The following PRR16 variants were observed in gnomAD, a reference collection of about 807,000 sequenced individuals.
PRR16 encodes proline rich 16, also known as protein Largen.
A neutral mutation model predicts 18.2 loss-of-function variants in PRR16; 6 were observed. The ratio of observed to expected loss-of-function variants is 0.33; its 90% CI spans 0.18 to 0.65. PRR16 has a LOEUF of 0.65. PRR16 is among the 30% of genes least tolerant of loss of function. PRR16 has a pLI of 0.74. For synonymous variants in PRR16, 151 were observed against 147.8 expected (o/e 1.02, Z -0.16); for missense variants, 412 against 376.6 (o/e 1.09, Z -0.78).
At chr5:120,745,956 C>G in the PRR16 span, among the ~76,000 whole-genome samples, 1 of 151,400 alleles carries the variant, frequency 6.6e-6, no homozygotes, top group South Asian at 2.1e-4. Flanking sequence ...AAGTGATTCA[C>G]CCATCTTTGC....
At chr5:120,660,494 A>G (rs1175850256) in intron 1 of PRR16, among the ~76,000 whole-genome samples, 1 of 152,126 alleles carries the variant, frequency 6.6e-6, no homozygotes, top group Non-Finnish European at 1.5e-5. Flanking sequence ...AACATTTTAA[A>G]TTATGAACAC....
intron 1 of PRR16, among the ~76,000 whole-genome samples, chr5:120,674,331 T>A (rs754601384): frequency 2.0e-5 from 3 of 152,344 alleles, no homozygotes; most frequent in Non-Finnish European, 4.4e-5. Flanking sequence ...TCGGATTCCA[T>A]TTTTATTGTG....
At chr5:120,552,193 A>G (rs1752275463) in intron 1 of PRR16, among the ~76,000 whole-genome samples, 1 of 151,908 alleles carries the variant, frequency 6.6e-6, no homozygotes, top group South Asian at 2.1e-4. Flanking sequence ...TATATTTTTC[A>G]AAACCTCCCA....
rs541742242 is a variant in PRR16, at chr5:120,568,207, A to T, written c.159+103562A>T. On this transcript the variant is annotated intron_variant, in intron 1 of 1. Coordinates refer to ENST00000407149, the MANE Select transcript of PRR16 (RefSeq NM_001300783.2). ...GTGAGCAGTAATACCAGTGATTGCA[A>T]AGGCAGATACATGACCCTAGTAAGC... 2.6e-4 allele frequency among the ~76,000 whole-genome samples: 40 copies of T among 152,294 alleles called. No homozygotes were observed. In the South Asian group the frequency reaches 5.4e-3, roughly 21 times the overall value.
chr5:120,536,172 G>C (rs1751710175), intron 1 of PRR16, among the ~76,000 whole-genome samples: 1 of 152,198 alleles, frequency 6.6e-6, no homozygotes, highest in African/African-American at 2.4e-5. Flanking sequence ...ATGACATTGT[G>C]TGTGTAACCT....
intron 1 of PRR16, among the ~76,000 whole-genome samples, chr5:120,663,988 A>AGTTAATGTG: frequency 6.6e-6 from 1 of 152,122 alleles, no homozygotes; most frequent in Non-Finnish European, 1.5e-5. Flanking sequence ...TGATTAAAAC[A>AGTTAATGTG]GTTAATGTGT....
chr5:120,734,552 A>T, the PRR16 span, among the ~76,000 whole-genome samples: 1 of 151,978 alleles, frequency 6.6e-6, no homozygotes, highest in Non-Finnish European at 1.5e-5. Flanking sequence ...CTGGGATTTT[A>T]TTTTTTTGAA....
At chr5:120,658,633 A>G (rs1476710171) in intron 1 of PRR16, among the ~76,000 whole-genome samples, 1 of 152,056 alleles carries the variant, frequency 6.6e-6, no homozygotes, top group Middle Eastern at 3.4e-3. Context: ...AAAGACAAAA[A>G]TAAGATACTA....
the PRR16 span, among the ~76,000 whole-genome samples, chr5:120,750,003 G>A: frequency 8.5e-5 from 13 of 152,090 alleles, no homozygotes; most frequent in Non-Finnish European, 1.5e-4. Flanking sequence ...GAATATGTTT[G>A]AAGCCAGAAA....
chr5:120,509,771 T>C (rs1322003104), intron 1 of PRR16, among the ~76,000 whole-genome samples: 1 of 152,138 alleles, frequency 6.6e-6, no homozygotes, highest in Non-Finnish European at 1.5e-5. Context: ...ATCAAGGCAA[T>C]TCATTTTTTT....
the PRR16 span, among the ~76,000 whole-genome samples, chr5:120,705,414 G>GTGCT: frequency 6.6e-6 from 1 of 151,748 alleles, no homozygotes; most frequent in African/African-American, 2.4e-5. Flanking sequence ...TTTTCCACAT[G>GTGCT]TGCTTTTAAA....
chr5:120,754,215 T>TTA, the PRR16 span, among the ~76,000 whole-genome samples: 11 of 56,624 alleles, frequency 1.9e-4, no homozygotes, highest in Admixed American at 6.0e-4. Flanking sequence ...AAATTATATA[T>TTA]TATAATATAT....
At chr5:120,582,118 T>C (rs921142883) in intron 1 of PRR16, among the ~76,000 whole-genome samples, 2 of 152,154 alleles carry the variant, frequency 1.3e-5, no homozygotes, top group Non-Finnish European at 2.9e-5. Flanking sequence ...CAGGATACTA[T>C]GCAGCAATAA....
chr5:120,655,027 G>T (rs548919747), intron 1 of PRR16, among the ~76,000 whole-genome samples: 2 of 151,914 alleles, frequency 1.3e-5, no homozygotes, highest in East Asian at 3.9e-4. Context: ...ATTCATATAT[G>T]CATTCTTTAT....
chr5:120,598,894 TAA>T (rs1753896619), intron 1 of PRR16, among the ~76,000 whole-genome samples: 1 of 151,918 alleles, frequency 6.6e-6, no homozygotes, highest in South Asian at 2.1e-4. Context: ...TTAATGTAAT[TAA>T]GTTAGCTTAC....
rs1301556461 is a variant in PRR16 at position 120,464,318 on chromosome 5, T to G, written c.-169T>G. 4.8e-6 allele frequency: 3 copies of G among 627,824 alleles called. No homozygotes were observed. Among genetic ancestry groups the G allele is most frequent in the Non-Finnish European group, 7.2e-6 (3 of 415,682 alleles). 38.9% of individuals were successfully genotyped at this position (627,824 alleles called of 1,614,324 possible). The stretch of plus-strand genomic sequence containing the variant: ...TCTCGGGAGTTGATGGCAGCACCAC[T>G]GTGCGGCCGCCCGGCCGAGCGCGGA... On this transcript the variant is annotated 5_prime_UTR_variant, in exon 1 of 2. Coordinates refer to ENST00000407149, the MANE Select transcript of PRR16 (RefSeq NM_001300783.2).
At chr5:120,480,491 T>A (rs1013196313) in intron 1 of PRR16, among the ~76,000 whole-genome samples, 1 of 152,230 alleles carries the variant, frequency 6.6e-6, no homozygotes, top group Non-Finnish European at 1.5e-5. Flanking sequence ...ATAATGTTTT[T>A]CTTTTTGTGC....
chr5:120,636,721 G>C (rs1365672350), intron 1 of PRR16, among the ~76,000 whole-genome samples: 1 of 152,038 alleles, frequency 6.6e-6, no homozygotes, highest in South Asian at 2.1e-4. Context: ...CATTGACTTC[G>C]GCAAACACTT....
downstream of PRR16, among the ~76,000 whole-genome samples, chr5:120,688,738 C>T (rs1018157223): frequency 2.0e-5 from 3 of 152,156 alleles, no homozygotes; most frequent in Admixed American, 1.3e-4. Flanking sequence ...TGACACTTTT[C>T]GATGTCGGGG....
Sources: allele counts gnomAD v4.1 joint callset (sites outside exome capture counted in the v4.1 genomes callset), GRCh38; gene constraint gnomAD v4.1.1; transcripts MANE v1.5; gene names NCBI Gene and HGNC (gene_info 2026-07-23, HGNC 2026-07-21).